NLGN1: variants seen among roughly 807,000 people sequenced by gnomAD.
NLGN1 encodes the protein neuroligin 1, also known as neuroligin-1.
In NLGN1, 12 loss-of-function variants were observed where a neutral mutation model predicts 65.5. That is an observed-to-expected ratio of 0.18 (90% CI 0.12 to 0.30). The LOEUF is 0.30. NLGN1 is among the 10% of genes least tolerant of loss of function. The pLI is 1.00. For synonymous variants in NLGN1, 350 were observed against 359.5 expected, an observed-to-expected ratio of 0.97 and a Z score of 0.30; for missense variants, 750 against 1,007.1, an observed-to-expected ratio of 0.74 and a Z score of 3.46.
intron 4 of NLGN1, among the ~76,000 whole-genome samples, chr3:174,000,427 C>T (rs1295435853): frequency 6.6e-6 from 1 of 151,956 alleles, no homozygotes; most frequent in African/African-American, 2.4e-5. Context: ...GAATAGTTTT[C>T]GCAAGCAGAC....
chr3:173,757,720 C>T (rs1043536479), intron 3 of NLGN1, among the ~76,000 whole-genome samples: 3 of 151,870 alleles, frequency 2.0e-5, no homozygotes, highest in African/African-American at 7.3e-5. Context: ...TTAAAATAGT[C>T]TGATTGTTAG....
chr3:173,793,676 C>A (rs17322822), intron 3 of NLGN1, among the ~76,000 whole-genome samples: 6,623 of 152,210 alleles, frequency 0.044, 203 homozygotes, highest in African/African-American at 0.089. Context: ...ATTAATTTTA[C>A]TTGCAAACAC....
rs953592792 is a variant in NLGN1, at chr3:174,106,072, A to G, written c.647-169243A>G. 6.6e-5 allele frequency among the ~76,000 whole-genome samples: 10 copies of G among 152,320 alleles called. No individual in the cohort carries two copies. The East Asian group carries it at 1.9e-3, about 29-fold the overall frequency. ...TCTTATTCAATTCTTGGTAAGGACC[A>G]TAAGGCTTCTTTTACAGATGTGTAA... On this transcript the variant is annotated intron_variant, in intron 4 of 6. Transcript: ENST00000457714.
chr3:173,566,240 A>G (rs572510904), intron 2 of NLGN1, among the ~76,000 whole-genome samples: 1 of 152,316 alleles, frequency 6.6e-6, no homozygotes, highest in Admixed American at 6.5e-5. Context: ...TCAGTAGGAA[A>G]TATAGCTTCA....
At chr3:173,663,028 T>C (rs182278299) in intron 3 of NLGN1, among the ~76,000 whole-genome samples, 1 of 152,024 alleles carries the variant, frequency 6.6e-6, no homozygotes, top group Non-Finnish European at 1.5e-5. Context: ...AAAAGCATCA[T>C]TTGATACTTA....
intron 3 of NLGN1, among the ~76,000 whole-genome samples, chr3:173,696,591 A>T (rs1169164495): frequency 6.6e-6 from 1 of 152,148 alleles, no homozygotes; most frequent in Non-Finnish European, 1.5e-5. Flanking sequence ...AGTAGACTAA[A>T]ATTTCTAGAA....
chr3:173,684,073 T>C (rs1764348882), intron 3 of NLGN1, among the ~76,000 whole-genome samples: 1 of 152,200 alleles, frequency 6.6e-6, no homozygotes, highest in South Asian at 2.1e-4. Context: ...TATATTGTTA[T>C]TATTACTTAA....
intron 3 of NLGN1, among the ~76,000 whole-genome samples, chr3:173,652,644 AT>A (rs1759387384): frequency 1.3e-5 from 2 of 152,136 alleles, no homozygotes; most frequent in Non-Finnish European, 2.9e-5. Context: ...TATAGTTACT[AT>A]AGTCTTGTAG....
chr3:173,804,878 T>C (rs995771115), intron 3 of NLGN1, among the ~76,000 whole-genome samples: 2 of 151,898 alleles, frequency 1.3e-5, no homozygotes, highest in Non-Finnish European at 2.9e-5. Flanking sequence ...AATGCAAAAT[T>C]AGCCAGACAT....
intron 4 of NLGN1, among the ~76,000 whole-genome samples, chr3:173,811,110 C>G (rs184478231): frequency 5.3e-5 from 8 of 152,334 alleles, no homozygotes; most frequent in Admixed American, 2.6e-4. Context: ...TTTACACATT[C>G]TTTGTCCTCA....
chr3:173,918,501 C>T (rs953603927), intron 4 of NLGN1, among the ~76,000 whole-genome samples: 2 of 151,766 alleles, frequency 1.3e-5, no homozygotes, highest in Non-Finnish European at 2.9e-5. Context: ...CATGCGGCAG[C>T]GTGTGCCTGT....
chr3:173,648,049 G>A (rs1758555324), intron 3 of NLGN1, among the ~76,000 whole-genome samples: 1 of 151,882 alleles, frequency 6.6e-6, no homozygotes, highest in Non-Finnish European at 1.5e-5. Flanking sequence ...TTGACAATCT[G>A]AGTTTCAAAG....
chr3:174,077,565 A>ATT (rs1466768874), intron 4 of NLGN1, among the ~76,000 whole-genome samples: 1 of 145,016 alleles, frequency 6.9e-6, no homozygotes, highest in African/African-American at 2.6e-5. Flanking sequence ...TTATTTATTT[A>ATT]TTTATTTTTT....
intron 4 of NLGN1, among the ~76,000 whole-genome samples, chr3:174,037,578 C>T (rs984605336): frequency 5.9e-5 from 9 of 152,078 alleles, no homozygotes; most frequent in African/African-American, 1.9e-4. Context: ...AGTGCCATCA[C>T]ACAAAGTATT....
intron 4 of NLGN1, among the ~76,000 whole-genome samples, chr3:174,164,136 C>T (rs1214337697): frequency 6.6e-6 from 1 of 151,952 alleles, no homozygotes; most frequent in Non-Finnish European, 1.5e-5. Flanking sequence ...GCCATTTTGG[C>T]TGGTGTGAGG....
intron 3 of NLGN1, among the ~76,000 whole-genome samples, chr3:173,609,146 A>G (rs1751866396): frequency 6.6e-6 from 1 of 151,978 alleles, no homozygotes; most frequent in Non-Finnish European, 1.5e-5. Context: ...GAGAGGATTC[A>G]CAAACACATT....
rs75968302 is a variant in NLGN1 at position 173,887,207 on chromosome 3, C to T, written c.646+79375C>T. Among the ~76,000 whole-genome samples, 390 of 152,014 alleles carry T rather than the reference C, an allele frequency of 2.6e-3. 1 individual carries two copies. The highest frequency in any genetic ancestry group is 4.1e-3 in the Non-Finnish European group (279 of 67,906). On this transcript the variant is annotated intron_variant, in intron 4 of 6. Coordinates refer to ENST00000457714, the Ensembl canonical transcript of NLGN1. ...ACCACTGAAGAGTGAAAATATCTAC[C>T]TTTCTTATTTTCAGGATTTGATCAC...
intron 1 of NLGN1, among the ~76,000 whole-genome samples, chr3:173,424,115 G>A (rs1715650767): frequency 1.3e-5 from 2 of 152,190 alleles, no homozygotes; most frequent in Admixed American, 6.5e-5. Flanking sequence ...TGCCTCAGCT[G>A]TAACCTTGGC....
chr3:174,022,318 A>T (rs1727905868), intron 4 of NLGN1, among the ~76,000 whole-genome samples: 1 of 152,118 alleles, frequency 6.6e-6, no homozygotes, highest in South Asian at 2.1e-4. Context: ...CCGTGACATA[A>T]ACACTCCAGA....
Sources: gnomAD v4.1 joint callset for allele counts (sites outside exome capture counted in the v4.1 genomes callset) on GRCh38, gnomAD v4.1.1 for gene constraint, MANE v1.5 for transcripts, NCBI Gene and HGNC (gene_info 2026-07-23, HGNC 2026-07-21) for gene names.